BEND7: variants seen among roughly 807,000 people sequenced by gnomAD.
BEND7 encodes the protein BEN domain-containing protein 7.
Under a neutral mutation model 50.9 loss-of-function variants are expected in BEND7, and 28 were observed. The observed-to-expected ratio is 0.55, with a 90% CI of 0.41 to 0.75. BEND7 has a LOEUF of 0.75. Among genes scored for constraint, BEND7 ranks in the 30% least tolerant of loss-of-function variants. The probability of loss-of-function intolerance (pLI) is 0.00; values close to 1 mark genes in which losing one functional copy is unlikely to be tolerated. For missense variants in BEND7, 477 were observed against 491.3 expected, an observed-to-expected ratio of 0.97 and a Z score of 0.28; for synonymous variants, 170 against 183.9, an observed-to-expected ratio of 0.92 and a Z score of 0.61.
chr10:13,516,108 A>G (rs556608576), intron 2 of BEND7, among the ~76,000 whole-genome samples: 1 of 152,252 alleles, frequency 6.6e-6, no homozygotes. Flanking sequence ...AAGAATAGTT[A>G]TTAAGAGTCT....
chr10:13,472,862 G>A (rs928409696), intron 6 of BEND7, among the ~76,000 whole-genome samples: 1 of 150,250 alleles, frequency 6.7e-6, no homozygotes, highest in African/African-American at 2.5e-5. Context: ...TAGACTCGGG[G>A]TCGATACCCA....
intron 2 of BEND7, chr10:13,511,139 C>T (rs1014654508): frequency 2.0e-5 from 3 of 152,246 alleles, no homozygotes; most frequent in Non-Finnish European, 4.4e-5. Flanking sequence ...GAGATCCCGC[C>T]ACTGCACTCC....
At chr10:13,480,733 G>A (rs958550546) in intron 6 of BEND7, 166 bp downstream of exon 6, 3 of 985,192 alleles carry the variant, frequency 3.0e-6, no homozygotes, top group African/African-American at 3.5e-5. Flanking sequence ...GTGGTACTTG[G>A]GGTGGTGAAT....
intron 6 of BEND7, among the ~76,000 whole-genome samples, chr10:13,460,895 T>C (rs1840078823): frequency 6.6e-6 from 1 of 152,230 alleles, no homozygotes; most frequent in Non-Finnish European, 1.5e-5. Flanking sequence ...CCACACATAA[T>C]GTGCCAGGAC....
chr10:13,522,188 T>G (rs1233284809), intron 2 of BEND7, among the ~76,000 whole-genome samples: 13 of 152,224 alleles, frequency 8.5e-5, no homozygotes, highest in African/African-American at 3.1e-4. Context: ...ATGTTTCCAA[T>G]GTACATACTA....
chr10:13,476,722 A>G (rs898218599), intron 6 of BEND7, among the ~76,000 whole-genome samples: 1 of 152,214 alleles, frequency 6.6e-6, no homozygotes, highest in Non-Finnish European at 1.5e-5. Context: ...TAAGGAAAAC[A>G]TACCTGGGTA....
At chr10:13,440,213 C>T (rs139526805), downstream of BEND7, among the ~76,000 whole-genome samples, 1 of 152,176 alleles carries the variant, frequency 6.6e-6, no homozygotes, top group Non-Finnish European at 1.5e-5. Flanking sequence ...TCAAAGCACC[C>T]ATCCCTGCCA....
At chr10:13,488,653 A>G (rs1374385096) in intron 5 of BEND7, among the ~76,000 whole-genome samples, 1 of 151,264 alleles carries the variant, frequency 6.6e-6, no homozygotes, top group Non-Finnish European at 1.5e-5. Flanking sequence ...GCGCCTAGCT[A>G]TTTTTTTTTA....
chr10:13,523,419 G>A (rs2079213065), intron 2 of BEND7, among the ~76,000 whole-genome samples: 2 of 152,190 alleles, frequency 1.3e-5, no homozygotes, highest in South Asian at 4.1e-4. Flanking sequence ...GACTTGATGT[G>A]GGAACCTCTG....
intron 8 of BEND7, 126 bp from the exon 9 acceptor site, chr10:13,441,876 GA>G: frequency 1.1e-6 from 1 of 922,424 alleles, no homozygotes; most frequent in Non-Finnish European, 1.7e-6. Context: ...CCCAAAAGAA[GA>G]AAAAGAAGCC....
At chr10:13,458,563 C>A (rs1839534277) in intron 6 of BEND7, among the ~76,000 whole-genome samples, 1 of 152,204 alleles carries the variant, frequency 6.6e-6, no homozygotes, top group Non-Finnish European at 1.5e-5. Flanking sequence ...CACAGCCCAG[C>A]TTCAGAGTTG....
chr10:13,495,618 T>C (rs930682904), intron 4 of BEND7, among the ~76,000 whole-genome samples: 2 of 152,186 alleles, frequency 1.3e-5, no homozygotes, highest in Non-Finnish European at 1.5e-5. Context: ...GCCGAGATCA[T>C]GCCATTGCAC....
chr10:13,519,413 T>C lies in BEND7; in HGVS notation c.145+6725A>G, dbSNP rs191282020. Among the ~76,000 whole-genome samples, 633 of 151,850 alleles carry C rather than the reference T, an allele frequency of 4.2e-3. 2 individuals carry two copies. Among genetic ancestry groups the C allele is most frequent in the Non-Finnish European group, 7.5e-3 (507 of 67,956 alleles). ...ATGGCGTGAACCCGGGAGGTGGAGC[T>C]TGCAGTGAGCCGAGATGGCGCCACT... On this transcript the variant is annotated intron_variant, in intron 2 of 8. Coordinates refer to ENST00000466271, the MANE Select transcript of BEND7 (RefSeq NM_001369863.1).
intron 6 of BEND7, among the ~76,000 whole-genome samples, chr10:13,466,188 A>G (rs1428054391): frequency 6.6e-6 from 1 of 152,006 alleles, no homozygotes; most frequent in Non-Finnish European, 1.5e-5. Flanking sequence ...GATCTGGGTA[A>G]TAACAAGCTT....
intron 5 of BEND7, among the ~76,000 whole-genome samples, chr10:13,491,307 T>A: frequency 7.1e-6 from 1 of 141,162 alleles, no homozygotes; most frequent in Non-Finnish European, 1.5e-5. Context: ...AGCGAGACTC[T>A]GTCTAAAAAA....
chr10:13,500,139 T>C, intron 2 of BEND7, 59 bp from the exon 3 acceptor site: 1 of 1,334,152 alleles, frequency 7.5e-7, no homozygotes, highest in East Asian at 2.3e-5. Context: ...AACAGTTCAC[T>C]AACCAAAAAG....
chr10:13,470,975 A>T (rs1790178095), intron 6 of BEND7, among the ~76,000 whole-genome samples: 1 of 152,316 alleles, frequency 6.6e-6, no homozygotes, highest in African/African-American at 2.4e-5. Flanking sequence ...AGCTTCATTA[A>T]ACATGTTCTG....
intron 6 of BEND7, 168 bp downstream of exon 6, chr10:13,480,731 T>C (rs1470126146): frequency 1.0e-6 from 1 of 985,310 alleles, no homozygotes; most frequent in East Asian, 1.1e-4. Context: ...TAGTGGTACT[T>C]GGGGTGGTGA....
chr10:13,451,769 C>T (rs1198036530), intron 7 of BEND7, among the ~76,000 whole-genome samples: 1 of 124,234 alleles, frequency 8.0e-6, no homozygotes, highest in African/African-American at 3.0e-5. Flanking sequence ...CTCCCCCCAC[C>T]CCACAACAGG....
Sources: gnomAD v4.1 joint callset for allele counts (sites outside exome capture counted in the v4.1 genomes callset) on GRCh38, gnomAD v4.1.1 for gene constraint, MANE v1.5 for transcripts, NCBI Gene and HGNC (gene_info 2026-07-23, HGNC 2026-07-21) for gene names.